The following CUX2 variants were observed in gnomAD, a reference collection of about 807,000 sequenced individuals.
The protein encoded by CUX2 is cut like homeobox 2, also known as homeobox protein cut-like 2.
Under a neutral mutation model 144.8 loss-of-function variants are expected in CUX2, and 40 were observed. The ratio of observed to expected loss-of-function variants is 0.28; its 90% CI spans 0.21 to 0.36. The LOEUF (loss-of-function observed/expected upper bound fraction) is 0.36. CUX2 is among the 10% of genes least tolerant of loss of function. The probability of loss-of-function intolerance (pLI) is 1.00; values close to 1 mark genes in which losing one functional copy is unlikely to be tolerated. For synonymous variants in CUX2, 827 were observed against 875.6 expected, an observed-to-expected ratio of 0.94 and a Z score of 0.98; for missense variants, 1,615 against 1,994.0, an observed-to-expected ratio of 0.81 and a Z score of 3.62.
intron 1 of CUX2, among the ~76,000 whole-genome samples, chr12:111,167,853 C>A (rs1757473178): frequency 6.6e-6 from 1 of 152,088 alleles, no homozygotes; most frequent in Non-Finnish European, 1.5e-5. Flanking sequence ...CGCCACCACG[C>A]CCAGCTAATT....
At chr12:111,141,646 C>T (rs1411180815) in intron 1 of CUX2, among the ~76,000 whole-genome samples, 1 of 152,134 alleles carries the variant, frequency 6.6e-6, no homozygotes, top group Non-Finnish European at 1.5e-5. Flanking sequence ...GACATAAACC[C>T]AACTCTGGGC....
chr12:111,306,488 T>C (rs1053703372), intron 10 of CUX2, among the ~76,000 whole-genome samples: 1 of 152,092 alleles, frequency 6.6e-6, no homozygotes, highest in African/African-American at 2.4e-5. Flanking sequence ...ATCAGCAAAT[T>C]AGGCGGAGGA....
intron 9 of CUX2, chr12:111,303,999 A>G (rs1004314191): frequency 9.5e-6 from 5 of 525,894 alleles, no homozygotes; most frequent in Non-Finnish European, 1.7e-5. Flanking sequence ...TCAGCTCAGG[A>G]GTAACCCCAG....
intron 2 of CUX2, among the ~76,000 whole-genome samples, chr12:111,215,917 T>C (rs1299181386): frequency 6.6e-6 from 1 of 152,250 alleles, no homozygotes; most frequent in Non-Finnish European, 1.5e-5. Flanking sequence ...TGCATAATTA[T>C]GCAATTATGT....
intron 1 of CUX2, among the ~76,000 whole-genome samples, chr12:111,164,952 T>TG (rs1348328212): frequency 7.2e-5 from 11 of 151,914 alleles, no homozygotes; most frequent in Admixed American, 1.3e-4. Context: ...GGGCCAGCCA[T>TG]GGGGGGGAGA....
intron 1 of CUX2, among the ~76,000 whole-genome samples, chr12:111,131,667 A>G (rs1002192033): frequency 1.3e-5 from 2 of 152,210 alleles, no homozygotes; most frequent in Non-Finnish European, 2.9e-5. Context: ...ATTGGCCAAA[A>G]CAAAGGGGTT....
intron 20 of CUX2, among the ~76,000 whole-genome samples, chr12:111,338,833 T>C (rs1888462389): frequency 6.6e-6 from 1 of 151,950 alleles, no homozygotes; most frequent in Non-Finnish European, 1.5e-5. Context: ...CAATGTGCTA[T>C]GATCAAAGCT....
chr12:111,229,580 G>A (rs934215301), intron 3 of CUX2, among the ~76,000 whole-genome samples: 1 of 152,130 alleles, frequency 6.6e-6, no homozygotes, highest in African/African-American at 2.4e-5. Context: ...GGGGATGGGT[G>A]AAGAACCAAT....
intron 1 of CUX2, among the ~76,000 whole-genome samples, chr12:111,050,105 C>G (rs1566189835): frequency 2.0e-5 from 3 of 152,164 alleles, no homozygotes; most frequent in Admixed American, 6.5e-5. Flanking sequence ...TATAGAGCAT[C>G]TGGCTCACAC....
Position 111,310,437 on chromosome 12 carries a change from A to G in CUX2, c.1655A>G (p.Gln552Arg). The change falls in exon 15 of 22, where the codon CAG becomes CGG. Residue 552 changes from glutamine to arginine, a missense_variant. Transcript: ENST00000261726. This position sits in a 1 kb window ranked among gnomAD's most constrained non-coding sequence, Gnocchi z 7.9. ...GCGGGGCCCGGGGCAGAGGAGGAGC[A>G]GCTGGACACGGCAGAGATCGCCTTC... is the stretch of plus-strand genomic sequence containing the variant. ...GAAGPGAEEE[Q>R]LDTAEIAFQV... is the part of the protein sequence containing the mutation. The G allele has an allele frequency of 6.2e-7, 1 of 1,612,920 alleles. No individual in the cohort carries two copies. Among genetic ancestry groups the G allele is most frequent in the East Asian group, 2.2e-5 (1 of 44,882 alleles).
rs1869425899 is a variant in CUX2, at chr12:111,035,972, A to G, written c.63+1732A>G. 1.3e-5 allele frequency among the ~76,000 whole-genome samples: 2 copies of G among 152,114 alleles called. No individual in the cohort carries two copies. Among genetic ancestry groups the G allele is most frequent in the South Asian group, 2.1e-4 (1 of 4,814 alleles). On this transcript the variant is annotated intron_variant, in intron 1 of 21. Transcript: ENST00000261726. The surrounding 1 kb of genome is among the most constrained non-coding windows in gnomAD (Gnocchi z 6.0). ...TATGGAGGCAGAGAGAGAGAGAGAG[A>G]GGGAGAATTGGGCAGCCACATTGGG...
intron 1 of CUX2, among the ~76,000 whole-genome samples, chr12:111,115,279 CT>C (rs869307048): frequency 0.024 from 2,165 of 88,740 alleles, 10 homozygotes; most frequent in African/African-American, 0.083. Context: ...AATAAAATTT[CT>C]TTTTTTTTTT....
chr12:111,213,984 G>A (rs143211092), intron 1 of CUX2, among the ~76,000 whole-genome samples: 3 of 151,698 alleles, frequency 2.0e-5, no homozygotes, highest in East Asian at 1.9e-4. Context: ...GACTTCCGAC[G>A]AGCAAAAAAA....
intron 3 of CUX2, among the ~76,000 whole-genome samples, chr12:111,247,641 G>C (rs1320193115): frequency 6.6e-6 from 1 of 152,164 alleles, no homozygotes; most frequent in Admixed American, 6.5e-5. Context: ...TGTAGACCCT[G>C]GACAGCCCCA....
intron 1 of CUX2, among the ~76,000 whole-genome samples, chr12:111,121,867 T>G (rs1874717672): frequency 6.6e-6 from 1 of 151,860 alleles, no homozygotes; most frequent in Non-Finnish European, 1.5e-5. Context: ...CTTTCCAAAT[T>G]CTTAGGTAAC....
intron 3 of CUX2, among the ~76,000 whole-genome samples, chr12:111,259,928 G>A (rs865866656): frequency 2.0e-5 from 3 of 152,000 alleles, no homozygotes; most frequent in African/African-American, 4.8e-5. Context: ...TTGGGAGGCC[G>A]AGGCGGGTGG....
At chr12:111,219,497 A>G (rs995880821) in intron 3 of CUX2, among the ~76,000 whole-genome samples, 1 of 152,190 alleles carries the variant, frequency 6.6e-6, no homozygotes, top group Non-Finnish European at 1.5e-5. Flanking sequence ...AAAGACAGGC[A>G]TTCAGCTGTT....
At chr12:111,155,693 A>C (rs1457133359) in intron 1 of CUX2, among the ~76,000 whole-genome samples, 2 of 152,086 alleles carry the variant, frequency 1.3e-5, no homozygotes, top group Non-Finnish European at 2.9e-5. Context: ...AACCGCACAC[A>C]CCAACTCCTG....
intron 3 of CUX2, among the ~76,000 whole-genome samples, chr12:111,243,776 G>A (rs891099681): frequency 1.1e-4 from 16 of 152,102 alleles, no homozygotes; most frequent in African/African-American, 3.6e-4. Context: ...GTCTTGAGGT[G>A]CACAAATTTC....
Sources: allele counts gnomAD v4.1 joint callset (sites outside exome capture counted in the v4.1 genomes callset), GRCh38; gene constraint gnomAD v4.1.1; non-coding constraint Gnocchi (gnomAD v3.1); transcripts MANE v1.5; gene names NCBI Gene and HGNC (gene_info 2026-07-23, HGNC 2026-07-21).